Variants in AGAP1 observed in about 807,000 individuals in gnomAD.
AGAP1 encodes the protein ArfGAP with GTPase domain, ankyrin repeat and PH domain 1.
In AGAP1, 29 loss-of-function variants were observed where a neutral mutation model predicts 105.3. The observed-to-expected ratio is 0.28, with a 90% CI of 0.21 to 0.38. The LOEUF is 0.38. AGAP1 is among the 10% of genes least tolerant of loss of function. AGAP1 has a pLI of 1.00. For synonymous variants in AGAP1, 509 were observed against 485.9 expected, an observed-to-expected ratio of 1.05 and a Z score of -0.63; for missense variants, 998 against 1,165.1, an observed-to-expected ratio of 0.86 and a Z score of 2.09.
At chr2:235,995,095 CAG>C (rs1178866240) in intron 13 of AGAP1, among the ~76,000 whole-genome samples, 8 of 91,416 alleles carry the variant, frequency 8.8e-5, no homozygotes, top group African/African-American at 2.8e-4. Flanking sequence ...AAAAAAAAAA[CAG>C]AATAAGATAC....
chr2:236,088,222 C>T (rs2058978551), intron 16 of AGAP1, among the ~76,000 whole-genome samples: 1 of 152,200 alleles, frequency 6.6e-6, no homozygotes, highest in South Asian at 2.1e-4. Context: ...CCTTCCTTCA[C>T]CTTACTGAGA....
intron 16 of AGAP1, among the ~76,000 whole-genome samples, chr2:236,115,791 A>G (rs1415082602): frequency 1.4e-5 from 2 of 138,082 alleles, no homozygotes; most frequent in African/African-American, 2.6e-5. Flanking sequence ...AGAAGTCAGC[A>G]TTGAAAGCTT....
At chr2:235,605,468 G>A (rs990231336) in intron 1 of AGAP1, among the ~76,000 whole-genome samples, 29 of 152,332 alleles carry the variant, frequency 1.9e-4, no homozygotes, top group Non-Finnish European at 3.7e-4. Flanking sequence ...CGGCCCTTCC[G>A]GCTTGTCGTG....
rs1376591098 is a variant in AGAP1 at position 235,807,257 on chromosome 2, C to G, written c.976C>G (p.Pro326Ala). ...TTTGCAGTCTCGGAAAGGGAGCGAC[C>G]CAGACAAAGAGAAGAAAGGCCTGGA... is the stretch of plus-strand genomic sequence containing the variant. Reference protein sequence around the residue: ...NLFTSRKGSDPDKEKKGLESR... With the variant: ...NLFTSRKGSDADKEKKGLESR... The change falls in exon 9 of 18, where the codon CCA becomes GCA. Residue 326 changes from proline (P) to alanine (A), a missense_variant. By Grantham distance (27) the Pro-to-Ala change is conservative (BLOSUM62 -1). Coordinates refer to ENST00000304032, the MANE Select transcript of AGAP1 (RefSeq NM_001037131.3). 8.1e-6 allele frequency: 13 copies of G among 1,610,404 alleles called. No homozygotes were observed. In the African/African-American group the frequency reaches 1.5e-4, roughly 18 times the overall value.
intron 11 of AGAP1, among the ~76,000 whole-genome samples, chr2:235,910,957 T>C (rs2051581205): frequency 6.6e-6 from 1 of 152,038 alleles, no homozygotes. Flanking sequence ...GTGCCAGAAG[T>C]TGTGCGCACT....
chr2:235,931,260 T>G lies in AGAP1; in HGVS notation c.1483+337T>G, dbSNP rs2052707022. Among the ~76,000 whole-genome samples, 1 of 152,114 alleles carries G rather than the reference T, an allele frequency of 6.6e-6. No homozygotes were observed. The highest frequency in any genetic ancestry group is 2.4e-5 in the African/African-American group (1 of 41,428). On this transcript the variant is annotated intron_variant, in intron 12 of 17. Transcript: ENST00000304032. This position sits in a 1 kb window ranked among gnomAD's most constrained non-coding sequence, Gnocchi z 5.6. The stretch of plus-strand genomic sequence containing the variant: ...CAGCGCTGAGAAATAAGATCTGATT[T>G]TATCTCCCCAATCACACTGCCCTAC...
intron 3 of AGAP1, among the ~76,000 whole-genome samples, chr2:235,727,390 T>C (rs543392218): frequency 6.6e-6 from 1 of 152,176 alleles, no homozygotes; most frequent in Non-Finnish European, 1.5e-5. Flanking sequence ...AATTCACAGA[T>C]CACGTTACAC....
At chr2:235,661,929 G>A (rs1947971084) in intron 1 of AGAP1, among the ~76,000 whole-genome samples, 1 of 152,206 alleles carries the variant, frequency 6.6e-6, no homozygotes, top group South Asian at 2.1e-4. Context: ...CTTCCCTACA[G>A]CTGGAGGGGA....
At chr2:235,683,267 C>T (rs1949187680) in intron 1 of AGAP1, among the ~76,000 whole-genome samples, 1 of 152,124 alleles carries the variant, frequency 6.6e-6, no homozygotes, top group African/African-American at 2.4e-5. Context: ...GATCGCACCA[C>T]TGCACTCCAG....
rs556563362 is a variant in AGAP1, at chr2:235,572,407, A to G, written c.163+77558A>G. 2.0e-5 allele frequency among the ~76,000 whole-genome samples: 3 copies of G among 152,140 alleles called. No homozygotes were observed. In the South Asian group the frequency reaches 6.2e-4, roughly 32 times the overall value. On this transcript the variant is annotated intron_variant, in intron 1 of 17. Transcript: ENST00000304032. Reference sequence around the variant, plus strand: ...CTGTGCACTGGTGGGGTAGTTCTTCAGGCAGTGGGGGTGATATCCATCAGC... The same window carrying G: ...CTGTGCACTGGTGGGGTAGTTCTTCGGGCAGTGGGGGTGATATCCATCAGC...
At chr2:236,103,250 C>A (rs1042272947) in intron 16 of AGAP1, among the ~76,000 whole-genome samples, 4 of 152,172 alleles carry the variant, frequency 2.6e-5, no homozygotes. Flanking sequence ...ATCTCTACAC[C>A]GAGGTCACTG....
rs968918041 is a variant in AGAP1, at chr2:235,931,285, C to T, written c.1483+362C>T. Among the ~76,000 whole-genome samples the T allele has an allele frequency of 2.0e-5, 3 of 152,096 alleles. No individual in the cohort carries two copies. Among genetic ancestry groups the T allele is most frequent in the East Asian group, 1.9e-4 (1 of 5,154 alleles). ...TTATCTCCCCAATCACACTGCCCTACGTGGCGTGGCCCACACTCTTCCACC... is the reference window on the plus strand; with the variant it reads ...TTATCTCCCCAATCACACTGCCCTATGTGGCGTGGCCCACACTCTTCCACC... On this transcript the variant is annotated intron_variant, in intron 12 of 17. Transcript: ENST00000304032. The surrounding 1 kb of genome is among the most constrained non-coding windows in gnomAD (Gnocchi z 5.6).
chr2:236,127,859 C>T lies in AGAP1; in HGVS notation c.*3737C>T, dbSNP rs1447035498. 5 of 152,236 alleles carry T rather than the reference C, an allele frequency of 3.3e-5. No individual in the cohort carries two copies. The East Asian group carries it at 9.6e-4, about 29-fold the overall frequency. The allele number at this position is 152,236 out of a possible 1,614,324, so 9.4% of individuals were successfully genotyped here. On this transcript the variant is annotated 3_prime_UTR_variant, in exon 18 of 18. Coordinates refer to ENST00000304032, the MANE Select transcript of AGAP1 (RefSeq NM_001037131.3). The surrounding 1 kb of genome is among the most constrained non-coding windows in gnomAD (Gnocchi z 6.6). ...CCCAGCTTCCTGGGCTCTTTTTCCT[C>T]ATCTGTGAAACTTGCAGGGTGCAGT... is the stretch of plus-strand genomic sequence containing the variant.
rs965692649 is a variant in AGAP1, at chr2:235,577,354, C to T, written c.163+82505C>T. ...ATTTCAATTCGGCCACATTTTAGTG[C>T]TCAGTAGCACCTGTGGCTGGAGCTA... On this transcript the variant is annotated intron_variant, in intron 1 of 17. Coordinates refer to ENST00000304032, the MANE Select transcript of AGAP1 (RefSeq NM_001037131.3). The surrounding 1 kb of genome is among the most constrained non-coding windows in gnomAD (Gnocchi z 4.5). 1.3e-5 allele frequency among the ~76,000 whole-genome samples: 2 copies of T among 152,162 alleles called. No individual in the cohort carries two copies.
At chr2:235,781,515 C>T (rs576528185) in intron 6 of AGAP1, among the ~76,000 whole-genome samples, 2 of 152,276 alleles carry the variant, frequency 1.3e-5, no homozygotes, top group Non-Finnish European at 2.9e-5. Flanking sequence ...GATGTTATGA[C>T]AGTTAAATGC....
In AGAP1 at chr2:236,055,422, C is replaced by G. The variant is rs566215370; in HGVS notation, c.2114+6141C>G. Among the ~76,000 whole-genome samples, 1 of 152,350 alleles carries G rather than the reference C, an allele frequency of 6.6e-6. No individual in the cohort carries two copies. The highest frequency in any genetic ancestry group is 6.5e-5 in the Admixed American group (1 of 15,312). Reference sequence around the variant, plus strand: ...CTGCTGTGCTCTGTGAGCCTCGTCTCTTCCAATATAAATTATCATGTGAAC... The same window carrying G: ...CTGCTGTGCTCTGTGAGCCTCGTCTGTTCCAATATAAATTATCATGTGAAC... On this transcript the variant is annotated intron_variant, in intron 16 of 17. Coordinates refer to ENST00000304032, the MANE Select transcript of AGAP1 (RefSeq NM_001037131.3). The surrounding 1 kb of genome is among the most constrained non-coding windows in gnomAD (Gnocchi z 6.2).
At chr2:235,597,871 C>T (rs1186547316) in intron 1 of AGAP1, among the ~76,000 whole-genome samples, 1 of 73,282 alleles carries the variant, frequency 1.4e-5, no homozygotes, top group Admixed American at 1.2e-4. Context: ...TTGTGTGGAG[C>T]GTGCACGCGC....
In AGAP1 at chr2:235,666,629, A is replaced by G. The variant is rs563113547; in HGVS notation, c.164-42550A>G. Among the ~76,000 whole-genome samples, 7 of 151,126 alleles carry G rather than the reference A, an allele frequency of 4.6e-5. No individual in the cohort carries two copies. The East Asian group carries it at 1.4e-3, about 29-fold the overall frequency. ...TTCCCTGGAAGAGTCAGTGTCATCT[A>G]AGGTGGATGGAATGGATTCTTCTAC... On this transcript the variant is annotated intron_variant, in intron 1 of 17. Transcript: ENST00000304032.
intron 1 of AGAP1, among the ~76,000 whole-genome samples, chr2:235,673,211 C>T (rs570957108): frequency 6.6e-6 from 1 of 152,314 alleles, no homozygotes; most frequent in East Asian, 1.9e-4. Context: ...CCATAGGTGT[C>T]ACAACTTCTC....
Sources: gnomAD v4.1 joint callset for allele counts (sites outside exome capture counted in the v4.1 genomes callset) on GRCh38, gnomAD v4.1.1 for gene constraint, Gnocchi (gnomAD v3.1) non-coding constraint, MANE v1.5 for transcripts, NCBI Gene and HGNC (gene_info 2026-07-23, HGNC 2026-07-21) for gene names.